Variants in ULK2 observed in about 807,000 individuals in gnomAD.
ULK2 encodes serine/threonine-protein kinase ULK2.
Under a neutral mutation model 127.5 loss-of-function variants are expected in ULK2, and 76 were observed. The ratio of observed to expected loss-of-function variants is 0.60; its 90% CI spans 0.50 to 0.72. The LOEUF is 0.72. Among genes scored for constraint, ULK2 ranks in the 30% least tolerant of loss-of-function variants. ULK2 has a pLI of 0.00. For synonymous variants in ULK2, 452 were observed against 461.9 expected (o/e 0.98, Z 0.28); for missense variants, 1,144 against 1,295.9 (o/e 0.88, Z 1.80).
In ULK2 at chr17:19,776,358, T is replaced by G; in HGVS notation, c.3102A>C (p.Ala1034=). The G allele has an allele frequency of 6.2e-7, 1 of 1,605,716 alleles. No individual in the cohort carries two copies. The highest frequency in any genetic ancestry group is 8.5e-7 in the Non-Finnish European group (1 of 1,176,316). ...GGGATGAGCCTGCTGCTCACACGGTTGCGGTGCTATGGCAGAGCGCCGACA... is the reference window on the plus strand; with the variant it reads ...GGGATGAGCCTGCTGCTCACACGGTGGCGGTGCTATGGCAGAGCGCCGACA... ...RRLSALCHST[A]TV The change falls in exon 27 of 27, where the codon GCA becomes GCC. Residue 1034 remains alanine, a synonymous_variant. Transcript: ENST00000395544.
At chr17:19,849,465 C>T in intron 4 of ULK2, 60 bp from the exon 5 acceptor site, 1 of 1,459,248 alleles carries the variant, frequency 6.9e-7, no homozygotes, top group Non-Finnish European at 9.5e-7. Flanking sequence ...TAATTCAATC[C>T]ATTCTCAATT....
chr17:19,810,243 A>G (rs1211178376), intron 14 of ULK2, 135 bp downstream of exon 14: 1 of 73,166 alleles, frequency 1.4e-5, no homozygotes, highest in African/African-American at 2.4e-4. Flanking sequence ...AAAAAAAAAA[A>G]AAAAAAAAAA....
chr17:19,867,301 C>T, intron 1 of ULK2, 27 bp downstream of exon 1: 1 of 1,531,998 alleles, frequency 6.5e-7, no homozygotes, highest in Non-Finnish European at 8.8e-7. Flanking sequence ...CCGCCCGGGG[C>T]CCGGCCTCGC....
intron 10 of ULK2, 135 bp from the exon 11 acceptor site, chr17:19,826,321 TTAAATG>T (rs555388697): frequency 6.5e-4 from 271 of 414,288 alleles, no homozygotes; most frequent in Middle Eastern, 4.0e-3. Flanking sequence ...TCCATTTCCT[TTAAATG>T]TAAAAGCGTA....
chr17:19,866,704 G>A (rs1161219713), intron 1 of ULK2, among the ~76,000 whole-genome samples: 2 of 152,186 alleles, frequency 1.3e-5, no homozygotes, highest in Non-Finnish European at 2.9e-5. Flanking sequence ...AAACAGCAAA[G>A]GCTTAAAACA....
At position 19,782,029 on chromosome 17, in the gene ULK2, C is replaced by T. The variant is rs747309963; in HGVS notation, c.2499G>A (p.Met833Ile). ...CCAGCACACACTCAGTGAACATCAG[C>T]ATCACATTCAGATGGCGTAAGGTGT... ...HTDTLRHLNV[M>I]LMFTECVLDL... The change falls in exon 23 of 27, where the codon ATG becomes ATA. Residue 833 changes from methionine (M) to isoleucine (I), a missense_variant. By Grantham distance (10) the Met-to-Ile change is conservative (BLOSUM62 1). Coordinates refer to ENST00000395544, the MANE Select transcript of ULK2 (RefSeq NM_014683.4). 2 of 1,614,068 alleles carry T rather than the reference C, an allele frequency of 1.2e-6. No homozygotes were observed. Among genetic ancestry groups the T allele is most frequent in the African/African-American group, 1.3e-5 (1 of 74,922 alleles).
At chr17:19,840,228 G>T in intron 9 of ULK2, 2 of 508,598 alleles carry the variant, frequency 3.9e-6, no homozygotes, top group South Asian at 2.9e-5. Context: ...GGCGCAAGTT[G>T]AGCAGTTGGC....
intron 14 of ULK2, among the ~76,000 whole-genome samples, chr17:19,805,899 C>T (rs2087505225): frequency 6.6e-6 from 1 of 152,218 alleles, no homozygotes; most frequent in African/African-American, 2.4e-5. Context: ...AGTTAGGACC[C>T]TGTGGTTTAC....
At chr17:19,789,058 C>T (rs1374721549) in intron 20 of ULK2, among the ~76,000 whole-genome samples, 2 of 152,184 alleles carry the variant, frequency 1.3e-5, no homozygotes, top group African/African-American at 4.8e-5. Flanking sequence ...GTTTCACCAC[C>T]TGCTGATTGT....
intron 25 of ULK2, among the ~76,000 whole-genome samples, chr17:19,779,554 A>G (rs1007418174): frequency 1.6e-5 from 2 of 124,868 alleles, no homozygotes; most frequent in Non-Finnish European, 3.6e-5. Flanking sequence ...AAAAAAAAAA[A>G]GAAAAACATA....
intron 6 of ULK2, 62 bp from the exon 7 acceptor site, chr17:19,845,439 CAT>C (rs1422837831): frequency 2.4e-6 from 3 of 1,246,044 alleles, no homozygotes; most frequent in Admixed American, 1.7e-5. Flanking sequence ...TAACATATAT[CAT>C]ATGATTCTTC....
intron 5 of ULK2, among the ~76,000 whole-genome samples, chr17:19,848,708 C>A (rs554753331): frequency 6.6e-6 from 1 of 151,362 alleles, no homozygotes; most frequent in Non-Finnish European, 1.5e-5. Context: ...ACCCAGGAGG[C>A]GGAGGTTGCA....
rs116478290 is a variant in ULK2 at position 19,839,768 on chromosome 17, T to C, written c.705-1185A>G. The stretch of plus-strand genomic sequence containing the variant: ...AATGCAAATTAAATTAATAGCTAAC[T>C]GGTCCTCATGCATTTGTGCAGCATC... On this transcript the variant is annotated intron_variant, in intron 9 of 26. Coordinates refer to ENST00000395544, the MANE Select transcript of ULK2 (RefSeq NM_014683.4). Among the ~76,000 whole-genome samples the C allele has an allele frequency of 5.2e-3, 788 of 152,244 alleles. 8 individuals are homozygous for C. The highest frequency in any genetic ancestry group is 0.018 in the African/African-American group (747 of 41,530).
intron 23 of ULK2, among the ~76,000 whole-genome samples, 180 bp from the exon 24 acceptor site, chr17:19,781,284 C>T (rs1317475983): frequency 1.3e-5 from 2 of 149,544 alleles, no homozygotes; most frequent in Non-Finnish European, 3.0e-5. Context: ...CTCTGTCCCC[C>T]AGGCCGAAGT....
chr17:19,777,784 T>C, intron 25 of ULK2, 68 bp from the exon 26 acceptor site: 1 of 1,538,454 alleles, frequency 6.5e-7, no homozygotes, highest in Non-Finnish European at 8.7e-7. Context: ...ATTTGGGCAA[T>C]GAAGCTTTAA....
At chr17:19,783,545 TA>T in intron 22 of ULK2, 151 bp downstream of exon 22, 1 of 729,712 alleles carries the variant, frequency 1.4e-6, no homozygotes, top group Non-Finnish European at 2.0e-6. Context: ...AATGTTAATT[TA>T]AAAAGACATC....
intron 12 of ULK2, among the ~76,000 whole-genome samples, chr17:19,818,955 C>T (rs1429094096): frequency 6.6e-6 from 1 of 152,018 alleles, no homozygotes; most frequent in African/African-American, 2.4e-5. Flanking sequence ...CATCTGCCAC[C>T]ATGCCTGGCT....
rs576169039 is a variant in ULK2 at position 19,797,544 on chromosome 17, T to C, written c.1661A>G (p.His554Arg). The C allele has an allele frequency of 6.2e-7, 1 of 1,613,900 alleles. No individual in the cohort carries two copies. The highest frequency in any genetic ancestry group is 2.2e-5 in the East Asian group (1 of 44,802). ...CGAGTAGCTGTACCCAGCCCCAGTA[T>C]GGGATGGGCACACGGGGTCAGAGTG... ...KQHSDPVCPS[H>R]TGAGYSYSPQ... The change falls in exon 18 of 27, where the codon CAT (histidine) becomes CGT (arginine). Residue 554 changes from histidine to arginine, a missense_variant. Transcript: ENST00000395544.
chr17:19,842,407 G>A (rs1434183367), intron 8 of ULK2, among the ~76,000 whole-genome samples: 1 of 151,804 alleles, frequency 6.6e-6, no homozygotes, highest in African/African-American at 2.4e-5. Context: ...ATGTTGGTCA[G>A]GCTGGTCTCG....
Sources: allele counts gnomAD v4.1 joint callset (sites outside exome capture counted in the v4.1 genomes callset), GRCh38; gene constraint gnomAD v4.1.1; transcripts MANE v1.5; gene names NCBI Gene and HGNC (gene_info 2026-07-23, HGNC 2026-07-21).